CPLANE1: variants seen among roughly 807,000 people sequenced by gnomAD.
CPLANE1 encodes the protein ciliogenesis and planar polarity effector 1.
In CPLANE1, 263 loss-of-function variants were observed where a neutral mutation model predicts 362.5. That is an observed-to-expected ratio of 0.73 (90% CI 0.66 to 0.80). The LOEUF (loss-of-function observed/expected upper bound fraction) is 0.80. Among genes scored for constraint, CPLANE1 ranks in the 30% least tolerant of loss-of-function variants. CPLANE1 has a pLI of 0.00. For missense variants in CPLANE1, 3,461 were observed against 3,793.4 expected, an observed-to-expected ratio of 0.91 and a Z score of 2.30; for synonymous variants, 1,212 against 1,302.6, an observed-to-expected ratio of 0.93 and a Z score of 1.50.
At chr5:37,240,811 G>C (rs566379236) in intron 6 of CPLANE1, among the ~76,000 whole-genome samples, 1 of 152,336 alleles carries the variant, frequency 6.6e-6, no homozygotes, top group Middle Eastern at 3.4e-3. Context: ...TCTGTTAGTA[G>C]AGCCATGTTT....
rs189254148 is a variant in CPLANE1 at position 37,116,212 on chromosome 5, C to T, written c.9311-1163G>A. Among the ~76,000 whole-genome samples, 194 of 152,036 alleles carry T rather than the reference C, an allele frequency of 1.3e-3. 1 individual carries two copies. The highest frequency in any genetic ancestry group is 1.5e-3 in the Non-Finnish European group (99 of 67,964). ...CTGAGATGTCTCACACTACCAGGCA[C>T]GGTGGCTCACACCTGTAATCCCATC... On this transcript the variant is annotated intron_variant, in intron 50 of 52. Transcript: ENST00000651892.
chr5:37,164,134 G>T (rs1332557250), intron 37 of CPLANE1, 139 bp downstream of exon 37: 4 of 615,230 alleles, frequency 6.5e-6, no homozygotes, highest in Non-Finnish European at 1.2e-5. Flanking sequence ...TGAGTTGAGG[G>T]GGGTGGAGTA....
chr5:37,249,161 G>C (rs549977894), intron 1 of CPLANE1, 84 bp downstream of exon 1: 9 of 152,796 alleles, frequency 5.9e-5, no homozygotes, highest in Admixed American at 3.3e-4. Context: ...CAGAAGAGTA[G>C]ATGAGGGGAG....
rs994305192 is a variant in CPLANE1 at position 37,211,207 on chromosome 5, G to C, written c.2920+2352C>G. The C allele has an allele frequency of 1.2e-5, 17 of 1,433,840 alleles. No homozygotes were observed. The African/African-American group carries it at 2.4e-4, about 20-fold the overall frequency. The allele number at this position is 1,433,840 out of a possible 1,614,324, so 88.8% of individuals were successfully genotyped here. On this transcript the variant is annotated intron_variant, in intron 16 of 52. Transcript: ENST00000651892. ...AGGATCACAAATTATCCAAATGCAGGGATGGAGGGTAGTTCCCCTGATTCT... is the reference window on the plus strand; with the variant it reads ...AGGATCACAAATTATCCAAATGCAGCGATGGAGGGTAGTTCCCCTGATTCT...
chr5:37,228,294 TAAAC>T (rs1387157207), intron 9 of CPLANE1, among the ~76,000 whole-genome samples: 1 of 152,154 alleles, frequency 6.6e-6, no homozygotes, highest in African/African-American at 2.4e-5. Context: ...CCACTTAACT[TAAAC>T]ATACAATATT....
intron 23 of CPLANE1, 119 bp downstream of exon 23, chr5:37,187,295 A>G: frequency 1.2e-6 from 1 of 822,916 alleles, no homozygotes; most frequent in Non-Finnish European, 1.9e-6. Context: ...AACCCACAAG[A>G]TATTATGCTA....
intron 1 of CPLANE1, 48 bp from the exon 2 acceptor site, chr5:37,247,793 T>G: frequency 1.6e-6 from 2 of 1,270,336 alleles, no homozygotes; most frequent in Non-Finnish European, 2.1e-6. Flanking sequence ...TAATATTCAC[T>G]GGGCATTTTT....
At chr5:37,179,816 G>C (rs923546063) in intron 28 of CPLANE1, among the ~76,000 whole-genome samples, 1 of 152,034 alleles carries the variant, frequency 6.6e-6, no homozygotes, top group Non-Finnish European at 1.5e-5. Context: ...AAATACCTTA[G>C]ATCTTCTTGG....
chr5:37,093,990 A>T, the CPLANE1 span, among the ~76,000 whole-genome samples: 1 of 107,682 alleles, frequency 9.3e-6, no homozygotes, highest in South Asian at 2.9e-4. Context: ...ATTTGCGGGC[A>T]GGATAGCGCT....
chr5:37,132,563 G>T (rs1016319522), intron 46 of CPLANE1, among the ~76,000 whole-genome samples: 4 of 152,022 alleles, frequency 2.6e-5, no homozygotes, highest in African/African-American at 7.2e-5. Context: ...AGCCAGGATG[G>T]TCTCAATCTC....
chr5:37,246,340 GTCA>G (rs1481877146), intron 2 of CPLANE1: 1 of 151,764 alleles, frequency 6.6e-6, no homozygotes, highest in Non-Finnish European at 1.5e-5. Flanking sequence ...ATCTCGGGAG[GTCA>G]TCATATTGAT....
chr5:37,121,285 A>G (rs1762551654), intron 49 of CPLANE1, among the ~76,000 whole-genome samples: 1 of 152,190 alleles, frequency 6.6e-6, no homozygotes, highest in African/African-American at 2.4e-5. Flanking sequence ...CACATGGGAA[A>G]ATAGGATGAG....
chr5:37,198,946 A>C, intron 19 of CPLANE1, 80 bp from the exon 20 acceptor site: 3 of 1,350,416 alleles, frequency 2.2e-6, no homozygotes, highest in East Asian at 5.1e-5. Flanking sequence ...AAGATAGGCT[A>C]ATGAGCTGAG....
intron 48 of CPLANE1, among the ~76,000 whole-genome samples, 157 bp downstream of exon 48, chr5:37,122,273 G>GT (rs1334381933): frequency 2.0e-5 from 3 of 152,184 alleles, no homozygotes. Context: ...AAAAAGGCTA[G>GT]TGAGTCTCAT....
At chr5:37,169,845 G>A (rs1190000843) in intron 33 of CPLANE1, among the ~76,000 whole-genome samples, 196 bp downstream of exon 33, 1 of 151,868 alleles carries the variant, frequency 6.6e-6, no homozygotes, top group African/African-American at 2.4e-5. Flanking sequence ...TCCTGCCTCA[G>A]CCTCCTGAGT....
rs1186525850 is a variant in CPLANE1, at chr5:37,183,394, A to G, written c.4787T>C (p.Val1596Ala). 9 of 1,613,310 alleles carry G rather than the reference A, an allele frequency of 5.6e-6. No homozygotes were observed. The highest frequency in any genetic ancestry group is 1.1e-5 in the South Asian group (1 of 90,930). The part of the protein sequence containing the change: ...EHELNSLLFD[V>A]HTTLKRHQSK... Reference sequence around the variant, plus strand: ...CTGATGTCGTTTTAATGTTGTATGTACATCAAAAAGTAAAGAATTAAGTTC... The same window carrying G: ...CTGATGTCGTTTTAATGTTGTATGTGCATCAAAAAGTAAAGAATTAAGTTC... Residue 1596 changes from valine (V) to alanine (A), a missense_variant, in exon 26 of 53, where the codon GTA becomes GCA. Val to Ala is a moderately conservative substitution (Grantham distance 64). This residue lies in a region of CPLANE1 where 3,380 missense variants were observed against 3,666.1 expected (regional missense o/e 0.92). Coordinates refer to ENST00000651892, the MANE Select transcript of CPLANE1 (RefSeq NM_001384732.1).
At chr5:37,139,830 A>G in intron 44 of CPLANE1, 1 of 985,356 alleles carries the variant, frequency 1.0e-6, no homozygotes. Context: ...GATTACAGGC[A>G]TGGGCCATCG....
At chr5:37,248,583 G>A (rs1740651971) in intron 1 of CPLANE1, among the ~76,000 whole-genome samples, 1 of 152,186 alleles carries the variant, frequency 6.6e-6, no homozygotes, top group South Asian at 2.1e-4. Context: ...AGAGTTCGAG[G>A]CTGCAGTGAG....
chr5:37,196,849 C>T (rs114998517), intron 20 of CPLANE1, among the ~76,000 whole-genome samples: 3,812 of 151,918 alleles, frequency 0.025, 66 homozygotes, highest in Non-Finnish European at 0.039. Flanking sequence ...CACTTAAACC[C>T]GGGAGCCGGA....
Sources: gnomAD v4.1 joint callset for allele counts (sites outside exome capture counted in the v4.1 genomes callset) on GRCh38, gnomAD v4.1.1 for gene constraint, gnomAD v4.1.1 regional missense constraint, MANE v1.5 for transcripts, NCBI Gene and HGNC (gene_info 2026-07-23, HGNC 2026-07-21) for gene names.